The following PCYOX1L variants were observed in gnomAD, a reference collection of about 807,000 sequenced individuals.
PCYOX1L encodes the protein prenylcysteine oxidase 1 like.
A neutral mutation model predicts 44.1 loss-of-function variants in PCYOX1L; 40 were observed. The observed-to-expected ratio is 0.91, with a 90% CI of 0.70 to 1.18. The LOEUF (loss-of-function observed/expected upper bound fraction) is 1.18, where lower values mean the gene tolerates loss of function less well. Among genes scored for constraint, PCYOX1L ranks in the 50% most tolerant of loss-of-function variants. The pLI is 0.00. For synonymous variants in PCYOX1L, 266 were observed against 282.8 expected (o/e 0.94, Z 0.60); for missense variants, 605 against 653.3 (o/e 0.93, Z 0.81).
At chr5:149,363,930 T>G (rs1758106596) in intron 2 of PCYOX1L, 106 bp from the exon 3 acceptor site, 5 of 1,328,382 alleles carry the variant, frequency 3.8e-6, no homozygotes, top group Non-Finnish European at 5.1e-6. Context: ...GCAGCACAAA[T>G]GAACAAACCA....
At chr5:149,363,949 G>C (rs1758107260) in intron 2 of PCYOX1L, 87 bp from the exon 3 acceptor site, 2 of 1,461,378 alleles carry the variant, frequency 1.4e-6, no homozygotes, top group Non-Finnish European at 1.9e-6. Context: ...CATAGCATTT[G>C]TGTTTCCTTT....
chr5:149,365,542 T>G, intron 3 of PCYOX1L: 2 of 240,846 alleles, frequency 8.3e-6, no homozygotes, highest in South Asian at 5.7e-5. Context: ...GAAGTTGCAG[T>G]GTGTCATCAG....
intron 5 of PCYOX1L, among the ~76,000 whole-genome samples, 153 bp from the exon 6 acceptor site, chr5:149,367,840 G>A (rs1049570957): frequency 3.3e-5 from 5 of 152,148 alleles, no homozygotes; most frequent in Admixed American, 3.3e-4. Flanking sequence ...TTCTGCAGCC[G>A]CATCAGCATG....
chr5:149,365,750 T>G, intron 3 of PCYOX1L, 192 bp from the exon 4 acceptor site: 1 of 605,560 alleles, frequency 1.7e-6, no homozygotes, highest in Non-Finnish European at 2.9e-6. Context: ...ACCTTCACAC[T>G]CCCTTTAGGT....
chr5:149,358,161 G>C lies in PCYOX1L; in HGVS notation c.88+5G>C. ...ATGCCCCGCCGGGCAAAATCGGTGC[G>C]GGAAGGACGCGGTGGGGTTCCCAGC... is the stretch of plus-strand genomic sequence containing the variant. On this transcript the variant is annotated splice_donor_5th_base_variant and intron_variant, in intron 1 of 5. Transcript: ENST00000274569. 6.9e-7 allele frequency: 1 copy of C among 1,447,370 alleles called. No individual in the cohort carries two copies. Among genetic ancestry groups the C allele is most frequent in the Non-Finnish European group, 9.1e-7 (1 of 1,102,376 alleles). The allele number at this position is 1,447,370 out of a possible 1,614,324, so 89.7% of individuals were successfully genotyped here.
chr5:149,358,354 G>A (rs890739429), intron 1 of PCYOX1L, among the ~76,000 whole-genome samples, 198 bp downstream of exon 1: 2 of 152,320 alleles, frequency 1.3e-5, no homozygotes, highest in South Asian at 4.1e-4. Context: ...ATGTGAAGAG[G>A]GCCACCTAGG....
At chr5:149,363,780 A>C in intron 2 of PCYOX1L, 1 of 469,726 alleles carries the variant, frequency 2.1e-6, no homozygotes, top group East Asian at 3.9e-5. Flanking sequence ...ACATTCTGGG[A>C]TAAAATCTGA....
intron 5 of PCYOX1L, 62 bp downstream of exon 5, chr5:149,367,562 G>A (rs764756929): frequency 1.7e-5 from 27 of 1,593,016 alleles, no homozygotes; most frequent in South Asian, 2.3e-5. Flanking sequence ...AGACACTTCT[G>A]CCTCCTTTGT....
chr5:149,362,495 G>T, intron 1 of PCYOX1L, 142 bp from the exon 2 acceptor site: 2 of 821,756 alleles, frequency 2.4e-6, no homozygotes, highest in Non-Finnish European at 3.8e-6. Context: ...TCAGTCCGCA[G>T]ATTTCCTTTT....
At chr5:149,365,856 G>A (rs1348033652) in intron 3 of PCYOX1L, 86 bp from the exon 4 acceptor site, 1 of 1,248,662 alleles carries the variant, frequency 8.0e-7, no homozygotes, top group East Asian at 2.3e-5. Flanking sequence ...GGTTCCTGGT[G>A]GGCCTCCCAG....
At chr5:149,362,933 C>A in intron 2 of PCYOX1L, 90 bp downstream of exon 2, 1 of 1,396,766 alleles carries the variant, frequency 7.2e-7, no homozygotes, top group Non-Finnish European at 1.0e-6. Flanking sequence ...ACCATCAAGG[C>A]CAGAAGGTCA....
intron 1 of PCYOX1L, among the ~76,000 whole-genome samples, chr5:149,360,541 G>A (rs1262393328): frequency 6.6e-6 from 1 of 152,214 alleles, no homozygotes; most frequent in African/African-American, 2.4e-5. Flanking sequence ...TGGGGACATA[G>A]TGATCATGCA....
chr5:149,367,388 C>T lies in PCYOX1L; in HGVS notation c.711C>T (p.Gly237=), dbSNP rs1447735288. 1 of 1,611,916 alleles carries T rather than the reference C, an allele frequency of 6.2e-7. No individual in the cohort carries two copies. Among genetic ancestry groups the T allele is most frequent in the Admixed American group, 1.7e-5 (1 of 59,236 alleles). ...CCATGTCACTAGCCGGGGCCCAAGG[C>T]AGCCTGTGGTCTGTGGAAGGAGGCA... ...AGAMSLAGAQ[G]SLWSVEGGNK... Residue 237 remains glycine, a synonymous_variant, in exon 5 of 6, where the codon GGC becomes GGT. Coordinates refer to ENST00000274569, the MANE Select transcript of PCYOX1L (RefSeq NM_024028.4).
chr5:149,366,248 C>A, intron 4 of PCYOX1L, 95 bp downstream of exon 4: 1 of 1,262,780 alleles, frequency 7.9e-7, no homozygotes, highest in Non-Finnish European at 1.1e-6. Flanking sequence ...CACTTTTATC[C>A]AGCTCATTGC....
intron 1 of PCYOX1L, 60 bp downstream of exon 1, chr5:149,358,216 A>G (rs990580426): frequency 7.3e-7 from 1 of 1,369,918 alleles, no homozygotes; most frequent in Non-Finnish European, 9.5e-7. Context: ...AAGGGTTCTC[A>G]GTTCTCAGCT....
rs2127615014 is a variant in PCYOX1L at position 149,368,844 on chromosome 5, G to A, written c.*190G>A. 2 of 436,688 alleles carry A rather than the reference G, an allele frequency of 4.6e-6. No individual in the cohort carries two copies. The highest frequency in any genetic ancestry group is 7.8e-6 in the Non-Finnish European group (2 of 257,248). 27.1% of individuals were successfully genotyped at this position (436,688 alleles called of 1,614,324 possible). ...ACGGCGGCTGCTGCTTTTTTTTAAG[G>A]GGGAAAGTAAGAAAAGAGAAGGAAA... On this transcript the variant is annotated 3_prime_UTR_variant, in exon 6 of 6. Transcript: ENST00000274569.
rs777183747 is a variant in PCYOX1L, at chr5:149,364,019, C to A, written c.296-17C>A. Reference sequence around the variant, plus strand: ...AGTCTTGGAGGGGACCTGAGGGGCTCCTCTTTGTCTCTGCAGGGCTGAGGC... The same window carrying A: ...AGTCTTGGAGGGGACCTGAGGGGCTACTCTTTGTCTCTGCAGGGCTGAGGC... On this transcript the variant is annotated splice_polypyrimidine_tract_variant and intron_variant, in intron 2 of 5. Coordinates refer to ENST00000274569, the MANE Select transcript of PCYOX1L (RefSeq NM_024028.4). The A allele has an allele frequency of 2.5e-6, 4 of 1,612,890 alleles. No individual in the cohort carries two copies. The East Asian group carries it at 8.9e-5, about 36-fold the overall frequency.
At chr5:149,366,829 GCTCA>G (rs1017305852) in intron 4 of PCYOX1L, among the ~76,000 whole-genome samples, 15 of 152,106 alleles carry the variant, frequency 9.9e-5, no homozygotes, top group East Asian at 1.9e-4. Flanking sequence ...AGTGTTCCTT[GCTCA>G]CTCTTTCAGT....
chr5:149,360,147 G>A (rs1757967231), intron 1 of PCYOX1L, among the ~76,000 whole-genome samples: 1 of 152,224 alleles, frequency 6.6e-6, no homozygotes, highest in African/African-American at 2.4e-5. Flanking sequence ...TTCATCATGG[G>A]TTGTCGTTGC....
Sources: gnomAD v4.1 joint callset for allele counts (sites outside exome capture counted in the v4.1 genomes callset) on GRCh38, gnomAD v4.1.1 for gene constraint, MANE v1.5 for transcripts, NCBI Gene and HGNC (gene_info 2026-07-23, HGNC 2026-07-21) for gene names.